Variants in CSMD1 observed in about 807,000 individuals in gnomAD.
CSMD1 encodes CUB and sushi domain-containing protein 1.
Under a neutral mutation model 417.5 loss-of-function variants are expected in CSMD1, and 213 were observed. The observed-to-expected ratio is 0.51, with a 90% CI of 0.46 to 0.57. The LOEUF (loss-of-function observed/expected upper bound fraction) is 0.57. Among genes scored for constraint, CSMD1 ranks in the 20% least tolerant of loss-of-function variants. CSMD1 has a pLI of 0.00. For missense variants in CSMD1, 6,923 were observed against 4,529.7 expected, an observed-to-expected ratio of 1.53 and a Z score of -15.17; for synonymous variants, 2,862 against 1,736.8, an observed-to-expected ratio of 1.65 and a Z score of -16.11.
intron 10 of CSMD1, among the ~76,000 whole-genome samples, chr8:3,500,668 G>C (rs1205143056): frequency 1.3e-5 from 2 of 152,132 alleles, no homozygotes; most frequent in African/African-American, 4.8e-5. Flanking sequence ...AGGAGGGAGT[G>C]ATCACATGTG....
At chr8:3,755,097 G>C (rs1797581792) in intron 5 of CSMD1, among the ~76,000 whole-genome samples, 1 of 152,196 alleles carries the variant, frequency 6.6e-6, no homozygotes, top group Non-Finnish European at 1.5e-5. Context: ...AAAACCTTAT[G>C]TGCTTACTAA....
intron 26 of CSMD1, among the ~76,000 whole-genome samples, chr8:3,255,145 T>C (rs1426844147): frequency 6.6e-6 from 1 of 152,208 alleles, no homozygotes; most frequent in Non-Finnish European, 1.5e-5. Context: ...CTCCAGAACC[T>C]ATTTGCCTGG....
At chr8:3,608,325 G>C (rs1012867513) in intron 8 of CSMD1, among the ~76,000 whole-genome samples, 6 of 152,154 alleles carry the variant, frequency 3.9e-5, no homozygotes, top group African/African-American at 1.4e-4. Context: ...TAGACATGAA[G>C]GGGGCCACAT....
At chr8:4,923,049 A>G (rs971697175) in intron 1 of CSMD1, among the ~76,000 whole-genome samples, 5 of 152,226 alleles carry the variant, frequency 3.3e-5, no homozygotes, top group African/African-American at 1.2e-4. Flanking sequence ...GCATAACTCC[A>G]AGAATTTTCC....
intron 25 of CSMD1, among the ~76,000 whole-genome samples, chr8:3,302,695 C>G (rs779357278): frequency 2.0e-5 from 3 of 152,188 alleles, no homozygotes; most frequent in Non-Finnish European, 4.4e-5. Context: ...GAGATGTGAT[C>G]TGTCACCAGT....
intron 39 of CSMD1, among the ~76,000 whole-genome samples, chr8:3,153,739 G>A (rs56834082): frequency 3.3e-5 from 5 of 152,128 alleles, no homozygotes; most frequent in Admixed American, 1.3e-4. Context: ...TCATCAACAC[G>A]GATGTCTGTG....
intron 3 of CSMD1, among the ~76,000 whole-genome samples, chr8:4,380,063 G>A (rs1803003207): frequency 6.6e-6 from 1 of 152,170 alleles, no homozygotes; most frequent in African/African-American, 2.4e-5. Context: ...CAATCCATAT[G>A]AAGATAAATG....
rs541453240 is a variant in CSMD1 at position 3,123,971 on chromosome 8, G to A, written c.6242-5384C>T. On this transcript the variant is annotated intron_variant, in intron 41 of 69. Transcript: ENST00000635120. ...TAAAACTAGTGTTGAAGGCTCTAGC[G>A]CCCTTCTGCTCATGAAAATAACCTC... 5.9e-5 allele frequency among the ~76,000 whole-genome samples: 9 copies of A among 152,242 alleles called. No homozygotes were observed. In the East Asian group the frequency reaches 9.6e-4, roughly 16 times the overall value.
intron 3 of CSMD1, among the ~76,000 whole-genome samples, chr8:4,146,607 T>A (rs1804148194): frequency 9.8e-6 from 1 of 101,878 alleles, no homozygotes; most frequent in East Asian, 2.6e-4. Context: ...TTTTTTTTTT[T>A]TTTTTTTTTT....
intron 10 of CSMD1, among the ~76,000 whole-genome samples, chr8:3,504,447 C>A (rs1246894975): frequency 6.6e-6 from 1 of 152,168 alleles, no homozygotes; most frequent in African/African-American, 2.4e-5. Flanking sequence ...GTGTGTACTT[C>A]TTCTTGGCAT....
At chr8:3,605,790 T>A (rs1263583754) in intron 8 of CSMD1, among the ~76,000 whole-genome samples, 2 of 152,220 alleles carry the variant, frequency 1.3e-5, no homozygotes, top group Non-Finnish European at 2.9e-5. Flanking sequence ...ATAGCACTCT[T>A]TCAACCCCCA....
chr8:4,058,884 G>T (rs960898869), intron 3 of CSMD1, among the ~76,000 whole-genome samples: 1 of 147,532 alleles, frequency 6.8e-6, no homozygotes, highest in Non-Finnish European at 1.5e-5. Context: ...ACAGATCAAC[G>T]AGAGAGAAAG....
At chr8:4,898,411 C>A (rs954466194) in intron 1 of CSMD1, among the ~76,000 whole-genome samples, 3 of 151,520 alleles carry the variant, frequency 2.0e-5, no homozygotes, top group African/African-American at 4.9e-5. Flanking sequence ...TCAGGCCACA[C>A]AGTGACTGGG....
intron 1 of CSMD1, among the ~76,000 whole-genome samples, chr8:4,958,640 G>C (rs1357761471): frequency 6.6e-6 from 1 of 152,154 alleles, no homozygotes; most frequent in African/African-American, 2.4e-5. Context: ...TGGGATCTAT[G>C]TGAACCAGTC....
intron 8 of CSMD1, among the ~76,000 whole-genome samples, chr8:3,610,027 C>T (rs1801814281): frequency 6.6e-6 from 1 of 151,838 alleles, no homozygotes; most frequent in Non-Finnish European, 1.5e-5. Flanking sequence ...GTCTCAAAAT[C>T]CTGACCTCGA....
Position 3,754,055 on chromosome 8 carries a change from AAG to A in CSMD1, c.819-15_819-14del, listed in dbSNP as rs1797518334. ...CATGCCAGTTAGCCTAGAGAAGAGAAAGAGGAAAAAAATCTCCCTTGTAAACC... is the reference window on the plus strand; with the variant it reads ...CATGCCAGTTAGCCTAGAGAAGAGAAAGGAAAAAAATCTCCCTTGTAAACC... On this transcript the variant is annotated splice_polypyrimidine_tract_variant and intron_variant, in intron 5 of 69. Coordinates refer to ENST00000635120, the MANE Select transcript of CSMD1 (RefSeq NM_033225.6). 5.1e-6 allele frequency: 8 copies of A among 1,582,576 alleles called. No homozygotes were observed. Among genetic ancestry groups the A allele is most frequent in the Admixed American group, 5.0e-5 (3 of 59,572 alleles).
At chr8:3,114,238 C>A (rs914448236) in intron 42 of CSMD1, among the ~76,000 whole-genome samples, 1 of 151,996 alleles carries the variant, frequency 6.6e-6, no homozygotes, top group Non-Finnish European at 1.5e-5. Flanking sequence ...CCTGAGACTC[C>A]ATCTCAAATA....
intron 10 of CSMD1, among the ~76,000 whole-genome samples, chr8:3,561,411 AG>A (rs1179732821): frequency 5.3e-5 from 8 of 152,226 alleles, no homozygotes; most frequent in African/African-American, 1.9e-4. Context: ...GATCAGATAA[AG>A]AAAATGCGGT....
At chr8:3,851,441 C>A (rs1435469496) in intron 5 of CSMD1, among the ~76,000 whole-genome samples, 1 of 152,164 alleles carries the variant, frequency 6.6e-6, no homozygotes, top group African/African-American at 2.4e-5. Context: ...GAGTATTGCA[C>A]TTCTACTCAT....
Sources: allele counts gnomAD v4.1 joint callset (sites outside exome capture counted in the v4.1 genomes callset), GRCh38; gene constraint gnomAD v4.1.1; transcripts MANE v1.5; gene names NCBI Gene and HGNC (gene_info 2026-07-23, HGNC 2026-07-21).